URB2: variants seen among roughly 807,000 people sequenced by gnomAD.
URB2 encodes the protein URB2 ribosome biogenesis homolog, also known as unhealthy ribosome biogenesis protein 2 homolog.
A neutral mutation model predicts 120.9 loss-of-function variants in URB2; 86 were observed. The ratio of observed to expected loss-of-function variants is 0.71; its 90% CI spans 0.60 to 0.85. URB2 has a LOEUF of 0.85. Among genes scored for constraint, URB2 ranks in the 40% least tolerant of loss-of-function variants. The pLI, the probability that URB2 is intolerant of heterozygous loss-of-function variation, is 0.00. For synonymous variants in URB2, 755 were observed against 758.4 expected, an observed-to-expected ratio of 1.00 and a Z score of 0.07; for missense variants, 1,765 against 1,836.5, an observed-to-expected ratio of 0.96 and a Z score of 0.71.
chr1:229,655,602 C>T (rs1440968316), intron 9 of URB2, among the ~76,000 whole-genome samples: 1 of 152,122 alleles, frequency 6.6e-6, no homozygotes, highest in Non-Finnish European at 1.5e-5. Flanking sequence ...CCTGTGTGAC[C>T]CATAGTAAGT....
At chr1:229,654,628 G>A (rs1428568726) in intron 9 of URB2, among the ~76,000 whole-genome samples, 1 of 152,138 alleles carries the variant, frequency 6.6e-6, no homozygotes, top group Non-Finnish European at 1.5e-5. Context: ...AAGTAGCTAG[G>A]ACTACAGGCA....
Position 229,641,600 on chromosome 1 carries a change from C to T in URB2, c.3635-1933C>T, listed in dbSNP as rs529997209. ...AGGGAGAGGGAGTGTGAAGAGGCGC[C>T]GTGCAGGTGCCCCAGCCATGGAGTT... On this transcript the variant is annotated intron_variant, in intron 4 of 9. Coordinates refer to ENST00000258243, the MANE Select transcript of URB2 (RefSeq NM_014777.4). Among the ~76,000 whole-genome samples the T allele has an allele frequency of 2.0e-5, 3 of 152,238 alleles. No individual in the cohort carries two copies. In the East Asian group the frequency reaches 5.8e-4, roughly 29 times the overall value.
chr1:229,640,573 G>T (rs1409333365), intron 4 of URB2, among the ~76,000 whole-genome samples: 1 of 152,158 alleles, frequency 6.6e-6, no homozygotes, highest in East Asian at 1.9e-4. Flanking sequence ...CTTAACCTCT[G>T]TGTTTCTGGG....
rs1303978458 is a variant in URB2, at chr1:229,637,190, T to A, written c.2577T>A (p.Ala859=). 6.2e-7 allele frequency: 1 copy of A among 1,613,862 alleles called. No individual in the cohort carries two copies. The highest frequency in any genetic ancestry group is 2.2e-5 in the East Asian group (1 of 44,870). Reference sequence around the variant, plus strand: ...ATTGGGAAAACAGATTTGCAAAAGCTGGACCCGAAGGTATAGAACCTAGAG... The same window carrying A: ...ATTGGGAAAACAGATTTGCAAAAGCAGGACCCGAAGGTATAGAACCTAGAG... ...VGHWENRFAK[A]GPEGIEPRGE... Residue 859 remains alanine, a synonymous_variant, in exon 4 of 10, where the codon GCT becomes GCA. Transcript: ENST00000258243.
chr1:229,638,143 C>A lies in URB2; in HGVS notation c.3530C>A (p.Ala1177Glu). ...GCGGGACATGATCAGTCTTTTCAGG[C>A]AGCCTTGCAGTTTTTGACTCTGTTC... ...ALAGHDQSFQ[A>E]ALQFLTLFFL... Residue 1177 changes from alanine to glutamate, a missense_variant, in exon 4 of 10, where the codon GCA becomes GAA. Ala to Glu is a moderately radical substitution (Grantham distance 107, BLOSUM62 -1). Coordinates refer to ENST00000258243, the MANE Select transcript of URB2 (RefSeq NM_014777.4). 2 of 1,614,222 alleles carry A rather than the reference C, an allele frequency of 1.2e-6. No individual in the cohort carries two copies. The highest frequency in any genetic ancestry group is 1.7e-6 in the Non-Finnish European group (2 of 1,180,042).
chr1:229,654,931 A>T (rs890028050), intron 9 of URB2, among the ~76,000 whole-genome samples: 1 of 152,222 alleles, frequency 6.6e-6, no homozygotes, highest in African/African-American at 2.4e-5. Flanking sequence ...CTTGAGTTAT[A>T]TAAAAGGAGA....
intron 6 of URB2, 104 bp from the exon 7 acceptor site, chr1:229,647,406 T>C (rs1666170097): frequency 7.1e-7 from 1 of 1,415,720 alleles, no homozygotes; most frequent in African/African-American, 1.4e-5. Context: ...TCAATTCATT[T>C]TGGAGCACAG....
At chr1:229,632,192 G>T in intron 2 of URB2, 77 bp from the exon 3 acceptor site, 3 of 1,350,208 alleles carry the variant, frequency 2.2e-6, no homozygotes, top group Non-Finnish European at 2.9e-6. Context: ...GCTTATACCT[G>T]TAATGTCCCT....
chr1:229,654,802 G>A (rs1214021014), intron 9 of URB2, among the ~76,000 whole-genome samples: 1 of 152,142 alleles, frequency 6.6e-6, no homozygotes, highest in Non-Finnish European at 1.5e-5. Flanking sequence ...ATTCCTACAG[G>A]GTTATTGTAA....
Position 229,647,768 on chromosome 1 carries a change from A to C in URB2, c.4149+16A>C. Reference sequence around the variant, plus strand: ...TCACCCTAAGGTGAGAAGGAGGGTGAGAGTGGCAGGCAGCTTTTCCTCTGC... The same window carrying C: ...TCACCCTAAGGTGAGAAGGAGGGTGCGAGTGGCAGGCAGCTTTTCCTCTGC... On this transcript the variant is annotated intron_variant, in intron 7 of 9. Coordinates refer to ENST00000258243, the MANE Select transcript of URB2 (RefSeq NM_014777.4). The C allele has an allele frequency of 6.2e-7, 1 of 1,605,846 alleles. No individual in the cohort carries two copies. The highest frequency in any genetic ancestry group is 1.3e-5 in the African/African-American group (1 of 74,892).
intron 7 of URB2, 131 bp downstream of exon 7, chr1:229,647,883 T>C (rs530342758): frequency 7.1e-7 from 1 of 1,416,756 alleles, no homozygotes; most frequent in South Asian, 1.5e-5. Flanking sequence ...TAGGCAAACT[T>C]TCTGTTCTAG....
chr1:229,648,744 C>T (rs1479125980), intron 7 of URB2, among the ~76,000 whole-genome samples: 2 of 152,198 alleles, frequency 1.3e-5, no homozygotes, highest in Admixed American at 6.5e-5. Flanking sequence ...TTCATGGTGC[C>T]ACCACTGTAT....
chr1:229,627,855 G>C, intron 2 of URB2, 96 bp downstream of exon 2: 1 of 1,422,412 alleles, frequency 7.0e-7, no homozygotes, highest in Non-Finnish European at 9.3e-7. Flanking sequence ...TAAAAAAATA[G>C]AGAAAAAGTT....
intron 9 of URB2, 35 bp from the exon 10 acceptor site, chr1:229,659,065 C>A (rs964350920): frequency 1.3e-6 from 2 of 1,594,782 alleles, no homozygotes; most frequent in Non-Finnish European, 1.7e-6. Context: ...TCTCTGCCCC[C>A]AATTGTTCTC....
chr1:229,650,710 T>C (rs1032852728), intron 7 of URB2: 1 of 152,188 alleles, frequency 6.6e-6, no homozygotes, highest in Non-Finnish European at 1.5e-5. Context: ...GGATTATAGG[T>C]GGGAGCTGCT....
At position 229,628,905 on chromosome 1, in the gene URB2, C is replaced by T. The variant is rs116454019; in HGVS notation, c.126+1146C>T. Among the ~76,000 whole-genome samples the T allele has an allele frequency of 3.3e-3, 510 of 152,304 alleles. 7 individuals are homozygous for T. The highest frequency in any genetic ancestry group is 0.012 in the African/African-American group (497 of 41,566). On this transcript the variant is annotated intron_variant, in intron 2 of 9. Coordinates refer to ENST00000258243, the MANE Select transcript of URB2 (RefSeq NM_014777.4). The stretch of plus-strand genomic sequence containing the variant: ...TGATGACGTGTGGTGTGGAGAGCAG[C>T]GGTCATATCCAGTGCTTTCTACACC...
At chr1:229,656,192 C>T (rs889432447) in intron 9 of URB2, among the ~76,000 whole-genome samples, 1 of 152,152 alleles carries the variant, frequency 6.6e-6, no homozygotes. Context: ...GCACACCAGT[C>T]GTTAACATGT....
chr1:229,641,126 C>T (rs922152985), intron 4 of URB2, among the ~76,000 whole-genome samples: 1 of 151,096 alleles, frequency 6.6e-6, no homozygotes, highest in African/African-American at 2.4e-5. Context: ...GATTCCCATG[C>T]CTCGGCCTCC....
At chr1:229,642,431 C>A (rs1314047192) in intron 4 of URB2, among the ~76,000 whole-genome samples, 1 of 152,140 alleles carries the variant, frequency 6.6e-6, no homozygotes. Flanking sequence ...TCTCAAAAGT[C>A]CCCTTTCCCC....
Sources: allele counts gnomAD v4.1 joint callset (sites outside exome capture counted in the v4.1 genomes callset), GRCh38; gene constraint gnomAD v4.1.1; transcripts MANE v1.5; gene names NCBI Gene and HGNC (gene_info 2026-07-23, HGNC 2026-07-21).